The following METTL15 variants were observed in gnomAD, a reference collection of about 807,000 sequenced individuals.
METTL15 encodes methyltransferase 15, mitochondrial 12S rRNA N4-cytidine.
A neutral mutation model predicts 38.3 loss-of-function variants in METTL15; 34 were observed. That is an observed-to-expected ratio of 0.89 (90% CI 0.68 to 1.18). The LOEUF is 1.18. Among genes scored for constraint, METTL15 ranks in the 50% most tolerant of loss-of-function variants. METTL15 has a pLI of 0.00. For missense variants in METTL15, 438 were observed against 498.4 expected (o/e 0.88, Z 1.15); for synonymous variants, 162 against 170.9 (o/e 0.95, Z 0.41).
chr11:28,409,791 G>T (rs889917436), intron 5 of METTL15, among the ~76,000 whole-genome samples: 8 of 151,812 alleles, frequency 5.3e-5, no homozygotes, highest in Non-Finnish European at 8.8e-5. Context: ...AATCAGAACA[G>T]AAATAAATAG....
intron 5 of METTL15, among the ~76,000 whole-genome samples, chr11:28,417,790 A>G (rs938833009): frequency 1.3e-5 from 2 of 152,202 alleles, no homozygotes; most frequent in African/African-American, 4.8e-5. Context: ...AACATGACCA[A>G]TGTACAGTCA....
At chr11:28,458,511 G>T (rs1206053131) in intron 6 of METTL15, among the ~76,000 whole-genome samples, 10 of 152,130 alleles carry the variant, frequency 6.6e-5, no homozygotes, top group Non-Finnish European at 1.2e-4. Context: ...TAACACCACT[G>T]CTCTGAGAGA....
chr11:28,524,019 AAC>A (rs1163580292), intron 6 of METTL15, among the ~76,000 whole-genome samples: 1 of 152,256 alleles, frequency 6.6e-6, no homozygotes, highest in African/African-American at 2.4e-5. Flanking sequence ...TATCTGATCT[AAC>A]GTGTCAATGG....
chr11:28,317,267 A>G (rs1857513185), intron 6 of METTL15, among the ~76,000 whole-genome samples: 2 of 152,112 alleles, frequency 1.3e-5, no homozygotes, highest in African/African-American at 2.4e-5. Flanking sequence ...AGTAAAGCCA[A>G]TTTTCTCCAG....
At chr11:28,373,672 A>G (rs1401111742) in intron 5 of METTL15, among the ~76,000 whole-genome samples, 2 of 152,198 alleles carry the variant, frequency 1.3e-5, no homozygotes, top group Non-Finnish European at 2.9e-5. Context: ...TAATTGAATT[A>G]AATCCCATTT....
intron 3 of METTL15, among the ~76,000 whole-genome samples, chr11:28,210,595 A>G (rs921750980): frequency 1.3e-5 from 2 of 151,796 alleles, no homozygotes; most frequent in Admixed American, 1.3e-4. Flanking sequence ...ATTTATTATT[A>G]GGGATGTTTA....
chr11:28,217,312 G>A (rs1344263482), intron 4 of METTL15, among the ~76,000 whole-genome samples: 4 of 152,194 alleles, frequency 2.6e-5, no homozygotes, highest in African/African-American at 9.7e-5. Flanking sequence ...CTGATGGCCA[G>A]TGATGATGAG....
intron 2 of METTL15, among the ~76,000 whole-genome samples, chr11:28,112,529 T>C (rs1447400711): frequency 6.6e-6 from 1 of 152,136 alleles, no homozygotes; most frequent in East Asian, 1.9e-4. Context: ...ACATAAATCC[T>C]TTTTTTCTTC....
chr11:28,128,373 A>G (rs1852587642), intron 3 of METTL15, among the ~76,000 whole-genome samples: 1 of 152,148 alleles, frequency 6.6e-6, no homozygotes, highest in South Asian at 2.1e-4. Flanking sequence ...GCTTTAATCA[A>G]TATAATGCTA....
chr11:28,119,742 A>T (rs1245964068), intron 3 of METTL15, among the ~76,000 whole-genome samples: 1 of 152,214 alleles, frequency 6.6e-6, no homozygotes, highest in Non-Finnish European at 1.5e-5. Context: ...TTTTCTTAAG[A>T]TCAGTAGCAG....
At chr11:28,218,871 G>A (rs570885077) in intron 4 of METTL15, among the ~76,000 whole-genome samples, 1 of 152,238 alleles carries the variant, frequency 6.6e-6, no homozygotes, top group East Asian at 1.9e-4. Context: ...TTATTGATTT[G>A]CGTATATTGA....
At chr11:28,430,936 G>T (rs1274254772) in intron 6 of METTL15, among the ~76,000 whole-genome samples, 5 of 105,130 alleles carry the variant, frequency 4.8e-5, no homozygotes, top group African/African-American at 1.0e-4. Context: ...CAGCCGCCCC[G>T]TCCGGGAGGT....
chr11:28,149,925 G>A (rs1043994193), intron 3 of METTL15, among the ~76,000 whole-genome samples: 9 of 151,952 alleles, frequency 5.9e-5, no homozygotes, highest in African/African-American at 1.7e-4. Context: ...AACACTCATT[G>A]AGACAACTGA....
At chr11:28,148,273 G>A (rs1345323389) in intron 3 of METTL15, among the ~76,000 whole-genome samples, 1 of 151,830 alleles carries the variant, frequency 6.6e-6, no homozygotes, top group Non-Finnish European at 1.5e-5. Context: ...AATTTTTCTT[G>A]CATTTTATGA....
intron 4 of METTL15, among the ~76,000 whole-genome samples, chr11:28,244,107 A>C (rs1053960643): frequency 6.6e-6 from 1 of 152,204 alleles, no homozygotes; most frequent in Non-Finnish European, 1.5e-5. Flanking sequence ...TTGTTTAAAA[A>C]CAAAAACAAA....
intron 6 of METTL15, chr11:28,477,502 G>A (rs1467552546): frequency 6.6e-6 from 1 of 152,116 alleles, no homozygotes; most frequent in Non-Finnish European, 1.5e-5. Flanking sequence ...TTGTTGTAAG[G>A]ATAACTGTAT....
intron 4 of METTL15, among the ~76,000 whole-genome samples, chr11:28,272,252 T>A (rs892272000): frequency 1.3e-5 from 2 of 152,142 alleles, no homozygotes; most frequent in Non-Finnish European, 1.5e-5. Context: ...AATTCTACTA[T>A]AAAGACACAT....
intron 4 of METTL15, among the ~76,000 whole-genome samples, chr11:28,231,817 T>C (rs1219412436): frequency 1.3e-5 from 2 of 151,934 alleles, no homozygotes; most frequent in South Asian, 4.1e-4. Flanking sequence ...TCAGCACACC[T>C]TGTGCTACCT....
chr11:28,428,332 TATG>T (rs1037370900), intron 6 of METTL15, among the ~76,000 whole-genome samples: 1 of 152,182 alleles, frequency 6.6e-6, no homozygotes, highest in African/African-American at 2.4e-5. Flanking sequence ...ACAGTAAAAA[TATG>T]ATATTATGGT....
Sources: allele counts gnomAD v4.1 joint callset (sites outside exome capture counted in the v4.1 genomes callset), GRCh38; gene constraint gnomAD v4.1.1; transcripts MANE v1.5; gene names NCBI Gene and HGNC (gene_info 2026-07-23, HGNC 2026-07-21).